The following COQ6 variants were observed in gnomAD, a reference collection of about 807,000 sequenced individuals.
COQ6 encodes the protein ubiquinone biosynthesis monooxygenase COQ6, mitochondrial.
Under a neutral mutation model 55.5 loss-of-function variants are expected in COQ6, and 45 were observed. The observed-to-expected ratio is 0.81, with a 90% CI of 0.64 to 1.04. The LOEUF (loss-of-function observed/expected upper bound fraction) is 1.04. Ranked by LOEUF, COQ6 falls within the 50% of genes least tolerant of loss-of-function variation. The pLI, the probability that COQ6 is intolerant of heterozygous loss-of-function variation, is 0.00. For synonymous variants in COQ6, 206 were observed against 230.5 expected (o/e 0.89, Z 0.96); for missense variants, 550 against 601.3 (o/e 0.91, Z 0.89).
intron 4 of COQ6, 29 bp from the exon 5 acceptor site, chr14:73,958,117 AT>A (rs376699893): frequency 7.5e-6 from 12 of 1,593,642 alleles, no homozygotes; most frequent in East Asian, 2.2e-5. Flanking sequence ...CACCTTTCTA[AT>A]TTTTTTTCCT....
At position 73,963,292 on chromosome 14, in the gene COQ6, G is replaced by C. The variant is rs2056839225; in HGVS notation, c.*293G>C. 2.0e-6 allele frequency: 1 copy of C among 489,432 alleles called. No individual in the cohort carries two copies. The highest frequency in any genetic ancestry group is 2.0e-5 in the African/African-American group (1 of 50,820). The allele number at this position is 489,432 out of a possible 1,614,324, so 30.3% of individuals were successfully genotyped here. ...CAAGGTGCTGTCTCACTCATTTCCAGTTAATCATTTCTAAAGAGAAAATTT... is the reference window on the plus strand; with the variant it reads ...CAAGGTGCTGTCTCACTCATTTCCACTTAATCATTTCTAAAGAGAAAATTT... On this transcript the variant is annotated 3_prime_UTR_variant, in exon 12 of 12. Coordinates refer to ENST00000334571, the MANE Select transcript of COQ6 (RefSeq NM_182476.3).
At chr14:73,958,562 G>T (rs1594802583) in intron 5 of COQ6, 2 of 1,303,736 alleles carry the variant, frequency 1.5e-6, no homozygotes, top group East Asian at 7.5e-5. Flanking sequence ...TCCCTCTGAG[G>T]AGTCTGTGGT....
chr14:73,955,607 C>A, intron 3 of COQ6, 98 bp downstream of exon 3: 1 of 1,375,832 alleles, frequency 7.3e-7, no homozygotes, highest in Non-Finnish European at 1.0e-6. Flanking sequence ...TAGGAGGAAT[C>A]AGACAAGGTT....
chr14:73,959,219 C>T lies in COQ6; in HGVS notation c.778C>T (p.Leu260Phe), dbSNP rs140822482. 11 of 1,614,130 alleles carry T rather than the reference C, an allele frequency of 6.8e-6. No homozygotes were observed. The African/African-American group carries it at 9.3e-5, about 14-fold the overall frequency. The change falls in exon 7 of 12, where the codon CTC becomes TTC. Residue 260 changes from leucine (L) to phenylalanine (F), a missense_variant. Coordinates refer to ENST00000334571, the MANE Select transcript of COQ6 (RefSeq NM_182476.3). ...TCTTCCCTCTGGGCCTATTGCTCTG[C>T]TCCCGGTAAGAGGTCCTTCTGACCA... Reference protein sequence around the residue: ...RFLPSGPIALLPLSDTLSSLV... With the variant: ...RFLPSGPIALFPLSDTLSSLV...
intron 8 of COQ6, chr14:73,960,943 CAG>C: frequency 3.2e-6 from 2 of 620,012 alleles, no homozygotes; most frequent in Admixed American, 2.4e-5. Context: ...AGGTGAAGCT[CAG>C]AAGTAGGCAG....
chr14:73,961,026 G>T, intron 8 of COQ6, 147 bp from the exon 9 acceptor site: 1 of 912,006 alleles, frequency 1.1e-6, no homozygotes, highest in South Asian at 1.4e-5. Flanking sequence ...CTTTGCACTT[G>T]AGGGGCTTAT....
rs778917657 is a variant in COQ6 at position 73,950,340 on chromosome 14, C to T, written c.8C>T (p.Ala3Val). 7.1e-6 allele frequency: 11 copies of T among 1,551,476 alleles called. No homozygotes were observed. In the South Asian group the frequency reaches 9.4e-5, roughly 13 times the overall value. Residue 3 changes from alanine to valine, a missense_variant, in exon 1 of 12, where the codon GCC becomes GTC. By Grantham distance (64) the Ala-to-Val change is moderately conservative. Transcript: ENST00000334571. ...ACGGCGCAGGTCTGCACCATGGCGG[C>T]CCGGCTTGTCAGCCGATGCGGGGCT... Reference protein sequence around the residue: MAARLVSRCGAVR... With the variant: MAVRLVSRCGAVR...
At chr14:73,955,271 A>G (rs1346379983) in intron 2 of COQ6, 180 bp from the exon 3 acceptor site, 4 of 654,860 alleles carry the variant, frequency 6.1e-6, no homozygotes, top group East Asian at 2.7e-5. Flanking sequence ...GTCTTTTTTC[A>G]TGCTATACAA....
Position 73,961,891 on chromosome 14 carries a change from G to C in COQ6, c.1365G>C (p.Val455=). 6.2e-7 allele frequency: 1 copy of C among 1,614,124 alleles called. No individual in the cohort carries two copies. The highest frequency in any genetic ancestry group is 8.5e-7 in the Non-Finnish European group (1 of 1,180,016). Residue 455 remains valine, a synonymous_variant, in exon 11 of 12, where the codon GTG becomes GTC. Coordinates refer to ENST00000334571, the MANE Select transcript of COQ6 (RefSeq NM_182476.3). The part of the protein sequence containing the change: ...RTWGLQATNA[V]SPLKEQIMAF... Reference sequence around the variant, plus strand: ...GGGGCTTGCAGGCCACAAATGCAGTGTCTCCACTCAAAGTAAGAGGTTGCT... The same window carrying C: ...GGGGCTTGCAGGCCACAAATGCAGTCTCTCCACTCAAAGTAAGAGGTTGCT...
chr14:73,952,966 G>A (rs1043911094), intron 1 of COQ6, among the ~76,000 whole-genome samples: 7 of 152,166 alleles, frequency 4.6e-5, no homozygotes, highest in African/African-American at 1.7e-4. Context: ...GTGAGCCACC[G>A]CACCGGCCTT....
chr14:73,960,920 G>C, intron 8 of COQ6: 1 of 581,338 alleles, frequency 1.7e-6, no homozygotes, highest in Non-Finnish European at 3.1e-6. Context: ...TATTGAGGGT[G>C]GGGACTAGTG....
Position 73,959,495 on chromosome 14 carries a change from A to G in COQ6, c.864A>G (p.Lys288=). The G allele has an allele frequency of 1.2e-6, 2 of 1,614,116 alleles. No individual in the cohort carries two copies. The highest frequency in any genetic ancestry group is 1.7e-6 in the Non-Finnish European group (2 of 1,180,034). ...AGCTAGTTAGCATGGATGAGGAAAA[A>G]TTTGTGGATGCCGTTAACTCTGCCT... The part of the protein sequence containing the change: ...AAELVSMDEE[K]FVDAVNSAFW... Residue 288 remains lysine (K), a synonymous_variant, in exon 8 of 12, where the codon AAA becomes AAG. Transcript: ENST00000334571.
At chr14:73,956,125 C>T (rs913501055) in intron 4 of COQ6, 197 bp downstream of exon 4, 56 of 589,522 alleles carry the variant, frequency 9.5e-5, no homozygotes, top group Admixed American at 4.1e-4. Context: ...GAGATGGAGA[C>T]CATCCTGGCT....
intron 4 of COQ6, among the ~76,000 whole-genome samples, chr14:73,957,072 T>G (rs1193328414): frequency 6.6e-6 from 1 of 151,626 alleles, no homozygotes; most frequent in East Asian, 1.9e-4. Context: ...TGTCCAGACT[T>G]CTACAGCGAG....
intron 4 of COQ6, among the ~76,000 whole-genome samples, chr14:73,957,365 G>A (rs1412915863): frequency 2.6e-5 from 4 of 152,280 alleles, no homozygotes; most frequent in Admixed American, 6.5e-5. Flanking sequence ...GATTACAGGC[G>A]TAAGCCACTG....
intron 2 of COQ6, 176 bp from the exon 3 acceptor site, chr14:73,955,275 T>C: frequency 1.5e-6 from 1 of 667,954 alleles, no homozygotes; most frequent in Admixed American, 2.4e-5. Flanking sequence ...TTTTTCATGC[T>C]ATACAACCTG....
Position 73,955,024 on chromosome 14 carries a change from T to G in COQ6, c.299-427T>G, listed in dbSNP as rs368179003. 3.0e-4 allele frequency among the ~76,000 whole-genome samples: 43 copies of G among 143,870 alleles called. No individual in the cohort carries two copies. In the East Asian group the frequency reaches 5.1e-3, roughly 17 times the overall value. The allele number at this position is 143,870 out of a possible 152,430, so 94.4% of individuals were successfully genotyped here. ...TGGAGTGCAGTGGCACGATCTCGGC[T>G]CACTGCAAGCTCCGCCTCCCGGGTT... On this transcript the variant is annotated intron_variant, in intron 2 of 11. Coordinates refer to ENST00000334571, the MANE Select transcript of COQ6 (RefSeq NM_182476.3).
In COQ6 at chr14:73,963,023, T is replaced by G. The variant is rs1290160947; in HGVS notation, c.*24T>G. ...GAGTACTCCTCTCCTAAAGAAAGATTACGTTGATGAAAAAGAACATCCTGC... is the reference window on the plus strand; with the variant it reads ...GAGTACTCCTCTCCTAAAGAAAGATGACGTTGATGAAAAAGAACATCCTGC... On this transcript the variant is annotated 3_prime_UTR_variant, in exon 12 of 12. Coordinates refer to ENST00000334571, the MANE Select transcript of COQ6 (RefSeq NM_182476.3). 1 of 1,582,894 alleles carries G rather than the reference T, an allele frequency of 6.3e-7. No homozygotes were observed. Among genetic ancestry groups the G allele is most frequent in the African/African-American group, 1.3e-5 (1 of 74,162 alleles).
chr14:73,954,866 A>C (rs1157204304), intron 2 of COQ6, among the ~76,000 whole-genome samples: 3 of 145,274 alleles, frequency 2.1e-5, no homozygotes, highest in East Asian at 2.0e-4. Flanking sequence ...AAAAAAATAC[A>C]TGGATTTGGT....
Sources: gnomAD v4.1 joint callset for allele counts (sites outside exome capture counted in the v4.1 genomes callset) on GRCh38, gnomAD v4.1.1 for gene constraint, MANE v1.5 for transcripts, NCBI Gene and HGNC (gene_info 2026-07-23, HGNC 2026-07-21) for gene names.